The following NDUFA10 variants were observed in gnomAD, a reference collection of about 807,000 sequenced individuals.
NDUFA10 encodes the protein NADH:ubiquinone oxidoreductase subunit A10.
A neutral mutation model predicts 47.8 loss-of-function variants in NDUFA10; 40 were observed. The observed-to-expected ratio is 0.84, with a 90% CI of 0.65 to 1.09. The LOEUF is 1.09. Among genes scored for constraint, NDUFA10 ranks in the 50% least tolerant of loss-of-function variants. The pLI is 0.00. For synonymous variants in NDUFA10, 183 were observed against 172.2 expected (o/e 1.06, Z -0.49); for missense variants, 413 against 451.1 (o/e 0.92, Z 0.76).
chr2:239,920,524 AGT>A (rs1693952516), intron 4 of NDUFA10, among the ~76,000 whole-genome samples: 1 of 152,214 alleles, frequency 6.6e-6, no homozygotes. Context: ...CTATTTTTAA[AGT>A]GTTTTCTCCT....
At chr2:239,983,915 G>T (rs1004443177) in intron 9 of NDUFA10, among the ~76,000 whole-genome samples, 3 of 152,186 alleles carry the variant, frequency 2.0e-5, no homozygotes, top group African/African-American at 4.8e-5. Flanking sequence ...AAGGTAATCT[G>T]AATAATTCAA....
At chr2:239,962,669 A>C (rs1010568760) in intron 9 of NDUFA10, among the ~76,000 whole-genome samples, 2 of 152,218 alleles carry the variant, frequency 1.3e-5, no homozygotes, top group African/African-American at 4.8e-5. Context: ...CAGAGAGAAA[A>C]GAGGTCTAAT....
intron 4 of NDUFA10, among the ~76,000 whole-genome samples, chr2:239,948,123 G>A (rs893652202): frequency 1.2e-4 from 18 of 151,440 alleles, no homozygotes; most frequent in African/African-American, 3.9e-4. Flanking sequence ...ACGGCAGCAA[G>A]GTTCAGGATT....
At chr2:239,895,722 C>G (rs1014388294) in intron 4 of NDUFA10, among the ~76,000 whole-genome samples, 6 of 152,184 alleles carry the variant, frequency 3.9e-5, no homozygotes, top group African/African-American at 1.4e-4. Context: ...ACAGAGATTA[C>G]ACGATTCCTA....
At position 239,893,623 on chromosome 2, in the gene NDUFA10, G is replaced by A. The variant is rs571524665; in HGVS notation, c.*15-916C>T. On this transcript the variant is annotated intron_variant, in intron 5 of 5. Coordinates refer to the NDUFA10 transcript ENST00000419408. ...GGCAGAAGAGATGGAAGGGGTGGAAGTGCCCTGCTCAAGCCCTTCCATAAG... is the reference window on the plus strand; with the variant it reads ...GGCAGAAGAGATGGAAGGGGTGGAAATGCCCTGCTCAAGCCCTTCCATAAG... Among the ~76,000 whole-genome samples, 206 of 152,298 alleles carry A rather than the reference G, an allele frequency of 1.4e-3. 2 individuals carry two copies. Among genetic ancestry groups the A allele is most frequent in the African/African-American group, 4.3e-3 (180 of 41,564 alleles).
intron 7 of NDUFA10, among the ~76,000 whole-genome samples, chr2:240,006,759 A>C (rs147224965): frequency 1.3e-5 from 2 of 152,224 alleles, no homozygotes; most frequent in South Asian, 4.1e-4. Flanking sequence ...AGGTGCATAC[A>C]TGTTTCTGGA....
intron 9 of NDUFA10, among the ~76,000 whole-genome samples, chr2:239,976,134 C>G (rs569909433): frequency 2.6e-4 from 40 of 152,354 alleles, no homozygotes; most frequent in African/African-American, 7.9e-4. Context: ...CCCATCAACG[C>G]TGATGAGAAG....
At chr2:240,024,747 G>A (rs1697784552) in intron 1 of NDUFA10, among the ~76,000 whole-genome samples, 1 of 152,222 alleles carries the variant, frequency 6.6e-6, no homozygotes, top group African/African-American at 2.4e-5. Flanking sequence ...AGAAGGTGGG[G>A]GCAAAATGCT....
In NDUFA10 at chr2:240,025,334, A is replaced by C; in HGVS notation, c.-33T>G. On this transcript the variant is annotated 5_prime_UTR_variant, in exon 1 of 10. Coordinates refer to ENST00000252711, the MANE Select transcript of NDUFA10 (RefSeq NM_004544.4). ...CGGTCAGCTCAGGATCAAGGACCCA[A>C]GGGGACGCGGTCGCGACGGGGCCCT... 1 of 1,477,072 alleles carries C rather than the reference A, an allele frequency of 6.8e-7. No individual in the cohort carries two copies. Among genetic ancestry groups the C allele is most frequent in the Non-Finnish European group, 9.0e-7 (1 of 1,115,578 alleles). The allele number at this position is 1,477,072 out of a possible 1,614,324, so 91.5% of individuals were successfully genotyped here. A position where few individuals can be genotyped will look rare whatever the true frequency, so the allele number is the denominator to read the frequency against.
chr2:240,021,050 A>T (rs1257646945), intron 3 of NDUFA10, 147 bp downstream of exon 3: 3 of 714,976 alleles, frequency 4.2e-6, no homozygotes, highest in Non-Finnish European at 7.4e-6. Flanking sequence ...ACACAATCTC[A>T]AGAAATTCAT....
intron 9 of NDUFA10, among the ~76,000 whole-genome samples, chr2:239,961,809 C>T (rs114612850): frequency 0.077 from 11,682 of 152,256 alleles, 532 homozygotes; most frequent in Admixed American, 0.13. Context: ...AGCGACAGGA[C>T]GACAGAGCCC....
chr2:239,953,841 T>A (rs1341455792), downstream of NDUFA10, among the ~76,000 whole-genome samples: 1 of 152,110 alleles, frequency 6.6e-6, no homozygotes, highest in African/African-American at 2.4e-5. Context: ...TAAAATAGAC[T>A]CCGCTTCCAA....
At chr2:239,993,341 C>A (rs1696329976) in intron 8 of NDUFA10, among the ~76,000 whole-genome samples, 1 of 152,226 alleles carries the variant, frequency 6.6e-6, no homozygotes, top group Admixed American at 6.5e-5. Context: ...AACAAGGATA[C>A]CATATACATT....
intron 8 of NDUFA10, among the ~76,000 whole-genome samples, chr2:239,996,587 T>C (rs1426828206): frequency 6.6e-6 from 1 of 152,228 alleles, no homozygotes; most frequent in African/African-American, 2.4e-5. Context: ...ATTCTTCTGT[T>C]GTCCAGGGCT....
chr2:239,966,785 C>A (rs77857689), intron 9 of NDUFA10, among the ~76,000 whole-genome samples: 17,308 of 150,390 alleles, frequency 0.12, 1,223 homozygotes, highest in South Asian at 0.16. Flanking sequence ...GGGCCCTGGG[C>A]GGCTGGGGAA....
At chr2:240,007,121 C>T (rs1213237447) in intron 7 of NDUFA10, among the ~76,000 whole-genome samples, 195 bp downstream of exon 7, 13 of 152,196 alleles carry the variant, frequency 8.5e-5, no homozygotes, top group South Asian at 4.1e-4. Context: ...TCGTAGAAAC[C>T]GAATTACTTG....
chr2:240,014,271 G>A (rs554927353), intron 5 of NDUFA10: 42 of 261,734 alleles, frequency 1.6e-4, no homozygotes, highest in African/African-American at 8.6e-4. Flanking sequence ...GGATATCACT[G>A]CTCTACTGTT....
At chr2:239,950,678 T>C (rs1040204802) in intron 4 of NDUFA10, among the ~76,000 whole-genome samples, 7 of 152,216 alleles carry the variant, frequency 4.6e-5, no homozygotes, top group Non-Finnish European at 1.0e-4. Context: ...GGATAGGAGC[T>C]TGGGGCGGTG....
At chr2:239,932,507 T>C (rs558060217) in intron 4 of NDUFA10, among the ~76,000 whole-genome samples, 2 of 152,328 alleles carry the variant, frequency 1.3e-5, no homozygotes, top group South Asian at 4.1e-4. Flanking sequence ...TTTTAGAAAA[T>C]GAAGCTGTGA....
Sources: gnomAD v4.1 joint callset for allele counts (sites outside exome capture counted in the v4.1 genomes callset) on GRCh38, gnomAD v4.1.1 for gene constraint, MANE v1.5 for transcripts, NCBI Gene and HGNC (gene_info 2026-07-23, HGNC 2026-07-21) for gene names.